ZFHX3: variants seen among roughly 807,000 people sequenced by gnomAD.
The protein encoded by ZFHX3 is zinc finger homeobox protein 3.
A neutral mutation model predicts 279.1 loss-of-function variants in ZFHX3; 42 were observed. The observed-to-expected ratio is 0.15, with a 90% CI of 0.12 to 0.19. The LOEUF (loss-of-function observed/expected upper bound fraction) is 0.19, where lower values mean the gene tolerates loss of function less well. Among genes scored for constraint, ZFHX3 ranks in the 10% least tolerant of loss-of-function variants. The pLI is 1.00. For synonymous variants in ZFHX3, 2,293 were observed against 1,957.8 expected (o/e 1.17, Z -4.52); for missense variants, 4,981 against 4,754.0 (o/e 1.05, Z -1.40).
upstream of ZFHX3, among the ~76,000 whole-genome samples, chr16:73,063,985 G>T (rs948007905): frequency 3.3e-5 from 5 of 152,118 alleles, no homozygotes; most frequent in African/African-American, 1.2e-4. Flanking sequence ...GACGTTCTGG[G>T]GGCTGTAGGG....
intron 2 of ZFHX3, among the ~76,000 whole-genome samples, chr16:73,627,430 G>A (rs891646151): frequency 6.6e-5 from 10 of 152,178 alleles, no homozygotes; most frequent in Non-Finnish European, 1.3e-4. Context: ...TTTGCAAGCC[G>A]GAAAGTTTGA....
chr16:73,169,240 T>A (rs746375152), intron 5 of ZFHX3, among the ~76,000 whole-genome samples: 2 of 152,152 alleles, frequency 1.3e-5, no homozygotes, highest in Non-Finnish European at 2.9e-5. Context: ...TGCTAGGTGG[T>A]GGGGATTCAG....
At chr16:73,555,474 A>C (rs554866594) in intron 2 of ZFHX3, among the ~76,000 whole-genome samples, 1 of 150,608 alleles carries the variant, frequency 6.6e-6, no homozygotes, top group East Asian at 2.0e-4. Context: ...TATTTTTAAG[A>C]GGCTCTCTGC....
intron 8 of ZFHX3, among the ~76,000 whole-genome samples, chr16:73,071,275 G>A (rs1485579847): frequency 6.6e-6 from 1 of 151,948 alleles, no homozygotes; most frequent in Admixed American, 6.6e-5. Flanking sequence ...GGTCAAACAT[G>A]CTTTCTTTCT....
chr16:73,823,705 T>A (rs186294117), intron 1 of ZFHX3, among the ~76,000 whole-genome samples: 1 of 152,284 alleles, frequency 6.6e-6, no homozygotes, highest in East Asian at 1.9e-4. Context: ...CCCGCAAAAC[T>A]GAAAATATTC....
At chr16:73,830,502 G>A (rs991842564) in intron 1 of ZFHX3, among the ~76,000 whole-genome samples, 1 of 152,164 alleles carries the variant, frequency 6.6e-6, no homozygotes, top group African/African-American at 2.4e-5. Flanking sequence ...GTGGGTACAT[G>A]GGACATGAAA....
At chr16:73,887,202 A>T (rs915975575) in intron 1 of ZFHX3, among the ~76,000 whole-genome samples, 1 of 152,184 alleles carries the variant, frequency 6.6e-6, no homozygotes, top group Non-Finnish European at 1.5e-5. Context: ...CCTTATTCAC[A>T]GAGATCTCTA....
At chr16:72,836,236 A>G (rs1195989123) in intron 4 of ZFHX3, among the ~76,000 whole-genome samples, 1 of 152,178 alleles carries the variant, frequency 6.6e-6, no homozygotes, top group South Asian at 2.1e-4. Flanking sequence ...GAGCAAGTGG[A>G]GTCTCATCGA....
At chr16:73,541,674 C>T (rs563452207) in intron 2 of ZFHX3, among the ~76,000 whole-genome samples, 26 of 151,818 alleles carry the variant, frequency 1.7e-4, no homozygotes, top group Admixed American at 7.2e-4. Flanking sequence ...TTACATGGGA[C>T]GCTTGGATGA....
intron 3 of ZFHX3, among the ~76,000 whole-genome samples, chr16:72,924,231 G>A (rs904781804): frequency 1.3e-5 from 2 of 152,118 alleles, no homozygotes; most frequent in East Asian, 3.8e-4. Flanking sequence ...ATTTGATGAC[G>A]CTATACTGCT....
intron 5 of ZFHX3, among the ~76,000 whole-genome samples, chr16:73,253,548 T>C (rs1440292797): frequency 6.6e-6 from 1 of 151,112 alleles, no homozygotes; most frequent in Non-Finnish European, 1.5e-5. Flanking sequence ...GCCTCTCAGG[T>C]TCACGCCATT....
At chr16:73,626,932 A>G (rs968317012) in intron 2 of ZFHX3, among the ~76,000 whole-genome samples, 4 of 152,202 alleles carry the variant, frequency 2.6e-5, no homozygotes, top group Admixed American at 2.6e-4. Context: ...TCTGCTTAGC[A>G]TCTGGGATAA....
chr16:72,949,390 G>A (rs1008976608), intron 3 of ZFHX3, among the ~76,000 whole-genome samples: 2 of 152,164 alleles, frequency 1.3e-5, no homozygotes, highest in Admixed American at 1.3e-4. Flanking sequence ...GTGGGATCAG[G>A]CCAGGGAGAT....
intron 5 of ZFHX3, among the ~76,000 whole-genome samples, chr16:72,820,782 G>A (rs572216017): frequency 1.3e-5 from 2 of 152,296 alleles, no homozygotes; most frequent in African/African-American, 2.4e-5. Flanking sequence ...GGACTGTGAA[G>A]ACAACCAGAG....
chr16:73,629,979 T>G (rs542214406), intron 2 of ZFHX3, among the ~76,000 whole-genome samples: 2 of 152,284 alleles, frequency 1.3e-5, no homozygotes, highest in Admixed American at 1.3e-4. Flanking sequence ...AACTTTTATA[T>G]CCTTGTAGCA....
rs1410563035 is a variant in ZFHX3, at chr16:73,318,088, T to C, written c.-1194+152A>G. Among the ~76,000 whole-genome samples the C allele has an allele frequency of 2.6e-5, 4 of 152,334 alleles. No homozygotes were observed. The East Asian group carries it at 7.7e-4, about 29-fold the overall frequency. Reference sequence around the variant, plus strand: ...CACATTAGTCCTGGTCCTTGCCAGGTAGACTTGAGTGTCTCACATGCAAAA... The same window carrying C: ...CACATTAGTCCTGGTCCTTGCCAGGCAGACTTGAGTGTCTCACATGCAAAA... On this transcript the variant is annotated intron_variant, in intron 4 of 17. Coordinates refer to the ZFHX3 transcript ENST00000641206.
intron 4 of ZFHX3, among the ~76,000 whole-genome samples, chr16:73,267,253 C>T (rs2014002893): frequency 2.0e-5 from 3 of 152,088 alleles, no homozygotes; most frequent in Admixed American, 6.6e-5. Flanking sequence ...TCCCTTGGGC[C>T]TGTGGAATAC....
intron 4 of ZFHX3, among the ~76,000 whole-genome samples, chr16:72,879,160 A>T (rs1167782987): frequency 6.6e-6 from 1 of 152,212 alleles, no homozygotes; most frequent in Non-Finnish European, 1.5e-5. Flanking sequence ...GGATCTTTAT[A>T]TTATGTCCAG....
chr16:73,651,974 G>T (rs983323855), intron 2 of ZFHX3, among the ~76,000 whole-genome samples: 7 of 151,912 alleles, frequency 4.6e-5, no homozygotes, highest in African/African-American at 1.7e-4. Flanking sequence ...TAAAAAATTA[G>T]AATTCCATAT....
Sources: allele counts gnomAD v4.1 joint callset (sites outside exome capture counted in the v4.1 genomes callset), GRCh38; gene constraint gnomAD v4.1.1; transcripts MANE v1.5; gene names NCBI Gene and HGNC (gene_info 2026-07-23, HGNC 2026-07-21).